LRRC4C: variants seen among roughly 807,000 people sequenced by gnomAD.
LRRC4C encodes leucine rich repeat containing 4C, also known as leucine-rich repeat-containing protein 4C.
Under a neutral mutation model 33.6 loss-of-function variants are expected in LRRC4C, and 5 were observed. The ratio of observed to expected loss-of-function variants is 0.15; its 90% CI spans 0.08 to 0.31. The LOEUF (loss-of-function observed/expected upper bound fraction) is 0.31, where lower values mean the gene tolerates loss of function less well. LRRC4C is among the 10% of genes least tolerant of loss of function. The probability of loss-of-function intolerance (pLI) is 1.00; values close to 1 mark genes in which losing one functional copy is unlikely to be tolerated. For synonymous variants in LRRC4C, 329 were observed against 302.0 expected, an observed-to-expected ratio of 1.09 and a Z score of -0.93; for missense variants, 560 against 796.7, an observed-to-expected ratio of 0.70 and a Z score of 3.58.
At chr11:41,292,295 G>A (rs1950014698) in intron 1 of LRRC4C, among the ~76,000 whole-genome samples, 1 of 151,972 alleles carries the variant, frequency 6.6e-6, no homozygotes, top group Admixed American at 6.6e-5. Context: ...TCTGCTCCTG[G>A]ACAAGTTATT....
At chr11:40,523,648 C>T (rs965899132) in intron 3 of LRRC4C, among the ~76,000 whole-genome samples, 1 of 150,306 alleles carries the variant, frequency 6.7e-6, no homozygotes, top group Non-Finnish European at 1.5e-5. Flanking sequence ...ATATTATTTG[C>T]TAATACTTGG....
At chr11:40,235,072 T>A (rs959311973) in intron 5 of LRRC4C, among the ~76,000 whole-genome samples, 3 of 152,218 alleles carry the variant, frequency 2.0e-5, no homozygotes, top group African/African-American at 7.2e-5. Flanking sequence ...ATAGACTATC[T>A]TCATGCAAGT....
chr11:40,365,843 A>G (rs763778689), intron 3 of LRRC4C, among the ~76,000 whole-genome samples: 5 of 152,050 alleles, frequency 3.3e-5, no homozygotes, highest in Non-Finnish European at 7.4e-5. Context: ...CATTTTACTT[A>G]TTATATCTGA....
At chr11:40,633,371 T>TTATTTCTTTCTTTCTTTCTCTC (rs1963658770) in intron 3 of LRRC4C, among the ~76,000 whole-genome samples, 1 of 96,308 alleles carries the variant, frequency 1.0e-5, no homozygotes, top group Non-Finnish European at 2.2e-5. Flanking sequence ...CTTTCTTTCT[T>TTATTTCTTTCTTTCTTTCTCTC]TCTCTCTCTT....
chr11:40,622,901 A>C (rs890108467), intron 3 of LRRC4C, among the ~76,000 whole-genome samples: 1 of 151,558 alleles, frequency 6.6e-6, no homozygotes, highest in East Asian at 1.9e-4. Flanking sequence ...AATAATAATA[A>C]ATTTTCCTTG....
At chr11:40,715,725 A>C (rs1488654014) in intron 2 of LRRC4C, among the ~76,000 whole-genome samples, 1 of 152,218 alleles carries the variant, frequency 6.6e-6, no homozygotes, top group African/African-American at 2.4e-5. Flanking sequence ...CTATCGAATT[A>C]AAAAGAACAA....
rs1392452068 is a variant in LRRC4C at position 40,825,725 on chromosome 11, T to A, written c.-407+107910A>T. On this transcript the variant is annotated intron_variant, in intron 2 of 6. Transcript: ENST00000528697. ...CAGGGGAGTGTTTCTTTTTCTTTCC[T>A]GACAGAAGACACGACATGTCCCCAT... Among the ~76,000 whole-genome samples the A allele has an allele frequency of 3.3e-5, 5 of 151,868 alleles. No homozygotes were observed. In the South Asian group the frequency reaches 8.3e-4, roughly 25 times the overall value.
intron 1 of LRRC4C, among the ~76,000 whole-genome samples, chr11:41,174,339 C>G (rs1176024599): frequency 3.3e-5 from 5 of 151,886 alleles, no homozygotes; most frequent in Non-Finnish European, 7.4e-5. Context: ...ATTCAAATAA[C>G]AGAATAAAAT....
chr11:40,636,941 C>A (rs1170019378), intron 3 of LRRC4C, among the ~76,000 whole-genome samples: 1 of 152,132 alleles, frequency 6.6e-6, no homozygotes, highest in Non-Finnish European at 1.5e-5. Flanking sequence ...CCTCTGATGG[C>A]CCTTCAAGAT....
chr11:40,957,860 C>T (rs1959030434), intron 1 of LRRC4C, among the ~76,000 whole-genome samples: 1 of 151,610 alleles, frequency 6.6e-6, no homozygotes, highest in Admixed American at 6.6e-5. Context: ...CCAGCCCTTC[C>T]AGTTTCTAGC....
chr11:40,940,713 A>G (rs1958102593), intron 1 of LRRC4C, among the ~76,000 whole-genome samples: 1 of 152,128 alleles, frequency 6.6e-6, no homozygotes, highest in African/African-American at 2.4e-5. Context: ...TGTGCTTTTC[A>G]TATTAAACAG....
chr11:40,874,412 C>T (rs1260891586), intron 2 of LRRC4C, among the ~76,000 whole-genome samples: 2 of 152,126 alleles, frequency 1.3e-5, no homozygotes, highest in African/African-American at 4.8e-5. Flanking sequence ...AGAATCAGCC[C>T]TCTTGAGCTG....
chr11:40,653,486 C>T (rs1427443530), intron 2 of LRRC4C, among the ~76,000 whole-genome samples: 1 of 152,238 alleles, frequency 6.6e-6, no homozygotes, highest in South Asian at 2.1e-4. Context: ...GAACTTTGAA[C>T]TTGAGAGAGA....
intron 2 of LRRC4C, among the ~76,000 whole-genome samples, chr11:40,854,715 A>C (rs142780332): frequency 1.4e-3 from 211 of 151,092 alleles, no homozygotes; most frequent in African/African-American, 4.9e-3. Context: ...TTTAAAGTGT[A>C]TATTAATATA....
At chr11:40,727,835 G>A (rs907014247) in intron 2 of LRRC4C, among the ~76,000 whole-genome samples, 6 of 152,034 alleles carry the variant, frequency 3.9e-5, no homozygotes, top group African/African-American at 1.5e-4. Context: ...GATCACCTGA[G>A]TTCAGGAGTT....
intron 5 of LRRC4C, among the ~76,000 whole-genome samples, chr11:40,210,918 G>A (rs1863554296): frequency 6.6e-6 from 1 of 151,792 alleles, no homozygotes; most frequent in Non-Finnish European, 1.5e-5. Context: ...GATTACAGGT[G>A]CCTGCCACCA....
intron 2 of LRRC4C, among the ~76,000 whole-genome samples, chr11:40,850,695 C>T (rs1200823195): frequency 6.6e-6 from 1 of 152,222 alleles, no homozygotes; most frequent in Non-Finnish European, 1.5e-5. Flanking sequence ...AGCTGGCAGG[C>T]AGGAAGGTTT....
intron 1 of LRRC4C, among the ~76,000 whole-genome samples, chr11:40,977,781 T>A (rs377049739): frequency 6.6e-6 from 1 of 152,184 alleles, no homozygotes; most frequent in African/African-American, 2.4e-5. Context: ...CCACAAAAAC[T>A]TCTATTTGTA....
At chr11:40,503,776 CT>C (rs1294785873) in intron 3 of LRRC4C, among the ~76,000 whole-genome samples, 4 of 152,082 alleles carry the variant, frequency 2.6e-5, no homozygotes, top group African/African-American at 9.7e-5. Context: ...TTAAAAAGGC[CT>C]TATTTTATTA....
Sources: gnomAD v4.1 joint callset for allele counts (sites outside exome capture counted in the v4.1 genomes callset) on GRCh38, gnomAD v4.1.1 for gene constraint, MANE v1.5 for transcripts, NCBI Gene and HGNC (gene_info 2026-07-23, HGNC 2026-07-21) for gene names.